KIF16B: variants seen among roughly 807,000 people sequenced by gnomAD.
KIF16B encodes the protein kinesin family member 16B.
A neutral mutation model predicts 156.3 loss-of-function variants in KIF16B; 98 were observed. That is an observed-to-expected ratio of 0.63 (90% CI 0.53 to 0.74). The LOEUF is 0.74. Among genes scored for constraint, KIF16B ranks in the 30% least tolerant of loss-of-function variants. The probability of loss-of-function intolerance (pLI) is 0.00; values close to 1 mark genes in which losing one functional copy is unlikely to be tolerated. For synonymous variants in KIF16B, 564 were observed against 583.7 expected (o/e 0.97, Z 0.49); for missense variants, 1,421 against 1,606.5 (o/e 0.88, Z 1.97).
At chr20:16,440,574 CACACACACACAG>C (rs1156633459) in intron 12 of KIF16B, among the ~76,000 whole-genome samples, 2 of 138,438 alleles carry the variant, frequency 1.4e-5, no homozygotes, top group African/African-American at 5.8e-5. Context: ...CACACACACA[CACACACACACAG>C]GTACACATTT....
At chr20:16,488,320 C>A (rs145283100) in intron 12 of KIF16B, among the ~76,000 whole-genome samples, 1 of 152,224 alleles carries the variant, frequency 6.6e-6, no homozygotes, top group African/African-American at 2.4e-5. Context: ...GCCAGCTTGG[C>A]GCTGCAGTCC....
Position 16,411,929 on chromosome 20 carries a change from C to CGTGTGTGTGTGT in KIF16B, c.1613-5485_1613-5474dup, listed in dbSNP as rs36019156. Among the ~76,000 whole-genome samples the CGTGTGTGTGTGT allele has an allele frequency of 2.3e-3, 313 of 134,092 alleles. 1 individual carries two copies. Among genetic ancestry groups the CGTGTGTGTGTGT allele is most frequent in the South Asian group, 6.6e-3 (25 of 3,816 alleles). 88.0% of individuals were successfully genotyped at this position (134,092 alleles called of 152,430 possible). A position where few individuals can be genotyped will look rare whatever the true frequency, so the allele number is the denominator to read the frequency against. Reference sequence around the variant, plus strand: ...CGGATTTCTGATGAGGAATGTTCAACGTGTGTGTGTGTGTGTGTGTGTGTG... The same window carrying CGTGTGTGTGTGT: ...CGGATTTCTGATGAGGAATGTTCAACGTGTGTGTGTGTGTGTGTGTGTGTGTGTGTGTGTGTG... On this transcript the variant is annotated intron_variant, in intron 15 of 25. Coordinates refer to ENST00000354981, the MANE Select transcript of KIF16B (RefSeq NM_024704.5).
chr20:16,315,639 C>T (rs1045802357), intron 24 of KIF16B, among the ~76,000 whole-genome samples: 19 of 152,164 alleles, frequency 1.2e-4, no homozygotes, highest in African/African-American at 4.6e-4. Flanking sequence ...TGCACCCTTG[C>T]CCAGGGTCAG....
chr20:16,565,147 T>G (rs1480864243), intron 1 of KIF16B, among the ~76,000 whole-genome samples: 1 of 152,242 alleles, frequency 6.6e-6, no homozygotes, highest in Non-Finnish European at 1.5e-5. Flanking sequence ...CATTATTTTA[T>G]GGAAGTGGTT....
At chr20:16,514,880 C>A (rs2069088339) in intron 4 of KIF16B, among the ~76,000 whole-genome samples, 1 of 76,244 alleles carries the variant, frequency 1.3e-5, no homozygotes, top group Non-Finnish European at 2.2e-5. Context: ...AGTGAGATTC[C>A]ATCTCAAAAA....
rs2065880522 is a variant in KIF16B at position 16,409,964 on chromosome 20, T to TGTAGGTAC, written c.1613-3509_1613-3508insGTACCTAC. Among the ~76,000 whole-genome samples the TGTAGGTAC allele has an allele frequency of 1.3e-4, 4 of 31,094 alleles. No homozygotes were observed. In the South Asian group the frequency reaches 4.0e-3, roughly 31 times the overall value. The allele number at this position is 31,094 out of a possible 152,430, so 20.4% of individuals were successfully genotyped here. A position where few individuals can be genotyped will look rare whatever the true frequency, so the allele number is the denominator to read the frequency against. On this transcript the variant is annotated intron_variant, in intron 15 of 25. Coordinates refer to ENST00000354981, the MANE Select transcript of KIF16B (RefSeq NM_024704.5). ...ACTTACCTACATATATATATATATA[T>TGTAGGTAC]ATATACATATATATATATATATATA...
At chr20:16,466,033 GA>G (rs2067481298) in intron 12 of KIF16B, among the ~76,000 whole-genome samples, 1 of 152,182 alleles carries the variant, frequency 6.6e-6, no homozygotes, top group Non-Finnish European at 1.5e-5. Context: ...AGAAGTGCAG[GA>G]CAGGAAAATA....
chr20:16,485,464 T>C (rs921508942), intron 12 of KIF16B, among the ~76,000 whole-genome samples: 1 of 152,214 alleles, frequency 6.6e-6, no homozygotes, highest in African/African-American at 2.4e-5. Flanking sequence ...GACACTAGAA[T>C]TTTTAAGAGA....
rs2063010365 is a variant in KIF16B, at chr20:16,273,365, G to A, written c.3842C>T (p.Ser1281Phe). ...TCCCACTTTGTTGATGTGGAGGGGA[G>A]ATGTTGCGGACTGGAGCATCACGCT... The part of the protein sequence containing the change: ...FFSVMLQSAT[S>F]PLHINKVGLT... The change falls in exon 26 of 26, where the codon TCT becomes TTT. Residue 1281 changes from serine (S) to phenylalanine (F), a missense_variant. Ser to Phe is a radical substitution (Grantham distance 155). Transcript: ENST00000354981. The A allele has an allele frequency of 1.1e-5, 18 of 1,613,894 alleles. No homozygotes were observed. Among genetic ancestry groups the A allele is most frequent in the Non-Finnish European group, 1.4e-5 (16 of 1,179,810 alleles).
At chr20:16,483,762 T>C (rs533643496) in intron 12 of KIF16B, among the ~76,000 whole-genome samples, 1 of 152,066 alleles carries the variant, frequency 6.6e-6, no homozygotes, top group Non-Finnish European at 1.5e-5. Context: ...CAAAAGTCAC[T>C]AGTCTAGGCA....
intron 25 of KIF16B, among the ~76,000 whole-genome samples, chr20:16,280,841 CGTGTGTGTGT>C (rs1555833614): frequency 5.8e-4 from 43 of 74,432 alleles, no homozygotes; most frequent in African/African-American, 2.0e-3. Flanking sequence ...TGCGCGCGCA[CGTGTGTGTGT>C]GTGTGTGTGT....
At chr20:16,489,841 G>A (rs972756436) in intron 12 of KIF16B, among the ~76,000 whole-genome samples, 7 of 152,106 alleles carry the variant, frequency 4.6e-5, no homozygotes, top group Non-Finnish European at 8.8e-5. Flanking sequence ...TGATGTTGAT[G>A]CTGCTATCCA....
At chr20:16,503,845 A>G (rs541244522) in intron 10 of KIF16B, among the ~76,000 whole-genome samples, 4 of 152,150 alleles carry the variant, frequency 2.6e-5, no homozygotes, top group Non-Finnish European at 5.9e-5. Flanking sequence ...CTAAAATGAG[A>G]CTATTTCAAC....
intron 18 of KIF16B, among the ~76,000 whole-genome samples, chr20:16,380,619 C>G (rs568831996): frequency 8.5e-4 from 130 of 152,246 alleles, no homozygotes; most frequent in African/African-American, 2.7e-3. Context: ...TCATGATAAT[C>G]GACAGTTCAT....
chr20:16,336,066 T>A, intron 23 of KIF16B, 51 bp from the exon 24 acceptor site: 1 of 1,111,212 alleles, frequency 9.0e-7, no homozygotes, highest in Non-Finnish European at 1.3e-6. Flanking sequence ...CAAAAGTCAC[T>A]AAAATTTTTC....
chr20:16,538,295 C>G lies in KIF16B; in HGVS notation c.48-9855G>C, dbSNP rs200427547. On this transcript the variant is annotated intron_variant, in intron 1 of 25. Transcript: ENST00000354981. ...CTACAACGCCAGGCACTGAGATTACCCAGCCTCTCAGGTCAATTTCCTCTG... is the reference window on the plus strand; with the variant it reads ...CTACAACGCCAGGCACTGAGATTACGCAGCCTCTCAGGTCAATTTCCTCTG... 3.4e-4 allele frequency among the ~76,000 whole-genome samples: 52 copies of G among 152,262 alleles called. No homozygotes were observed. In the East Asian group the frequency reaches 0.01, roughly 29 times the overall value.
At chr20:16,329,080 G>C (rs2063905510) in intron 24 of KIF16B, among the ~76,000 whole-genome samples, 1 of 152,152 alleles carries the variant, frequency 6.6e-6, no homozygotes, top group Non-Finnish European at 1.5e-5. Flanking sequence ...CTTGGAAGCA[G>C]TAACTCTCCT....
At chr20:16,503,509 T>C (rs1406895401) in intron 10 of KIF16B, among the ~76,000 whole-genome samples, 1 of 152,204 alleles carries the variant, frequency 6.6e-6, no homozygotes, top group Non-Finnish European at 1.5e-5. Context: ...GAGCTTCAAG[T>C]GCCACATAAT....
At chr20:16,449,206 C>A (rs531672604) in intron 12 of KIF16B, among the ~76,000 whole-genome samples, 16 of 152,054 alleles carry the variant, frequency 1.1e-4, no homozygotes, top group African/African-American at 3.9e-4. Context: ...TGAAAAGAGG[C>A]CAGCACCTGA....
Sources: allele counts gnomAD v4.1 joint callset (sites outside exome capture counted in the v4.1 genomes callset), GRCh38; gene constraint gnomAD v4.1.1; transcripts MANE v1.5; gene names NCBI Gene and HGNC (gene_info 2026-07-23, HGNC 2026-07-21).